AOPEP: variants seen among roughly 807,000 people sequenced by gnomAD.
AOPEP encodes aminopeptidase O.
Under a neutral mutation model 98.1 loss-of-function variants are expected in AOPEP, and 77 were observed. That is an observed-to-expected ratio of 0.78 (90% CI 0.65 to 0.95). The LOEUF (loss-of-function observed/expected upper bound fraction) is 0.95. Among genes scored for constraint, AOPEP ranks in the 40% least tolerant of loss-of-function variants. AOPEP has a pLI of 0.00. For missense variants in AOPEP, 1,024 were observed against 1,024.7 expected (o/e 1.00, Z 0.01); for synonymous variants, 346 against 365.3 (o/e 0.95, Z 0.60).
chr9:94,852,477 A>T (rs2043673975), intron 5 of AOPEP, among the ~76,000 whole-genome samples: 1 of 152,188 alleles, frequency 6.6e-6, no homozygotes, highest in South Asian at 2.1e-4. Flanking sequence ...ACAAGGAGAG[A>T]AGACAGATAC....
chr9:94,830,849 C>T (rs769569758), intron 5 of AOPEP, among the ~76,000 whole-genome samples: 3 of 152,172 alleles, frequency 2.0e-5, no homozygotes, highest in African/African-American at 7.2e-5. Flanking sequence ...CAGATGTCCT[C>T]TCTTGAGAAG....
At chr9:95,002,401 A>T (rs2061619412) in intron 11 of AOPEP, among the ~76,000 whole-genome samples, 1 of 152,220 alleles carries the variant, frequency 6.6e-6, no homozygotes, top group Non-Finnish European at 1.5e-5. Context: ...AGCTGGGGAG[A>T]GAGACGTTCA....
chr9:95,135,906 C>T, the AOPEP span, among the ~76,000 whole-genome samples: 2 of 152,144 alleles, frequency 1.3e-5, no homozygotes, highest in Non-Finnish European at 2.9e-5. Context: ...GGTTTCGGTC[C>T]CAGCGCCACT....
intron 7 of AOPEP, among the ~76,000 whole-genome samples, chr9:94,939,508 G>A (rs954687511): frequency 2.0e-5 from 3 of 152,102 alleles, no homozygotes; most frequent in African/African-American, 7.2e-5. Flanking sequence ...CTTGACCCAG[G>A]ATGGTAGGAT....
chr9:94,797,509 G>A (rs1055350686), intron 4 of AOPEP, among the ~76,000 whole-genome samples: 1 of 151,904 alleles, frequency 6.6e-6, no homozygotes, highest in African/African-American at 2.4e-5. Context: ...TATGTGCTGA[G>A]TTATCATAGA....
At chr9:95,085,935 GC>G (rs1177238020) in intron 16 of AOPEP, 3 of 1,300,884 alleles carry the variant, frequency 2.3e-6, no homozygotes, top group Non-Finnish European at 3.0e-6. Context: ...TGCAGTCCAG[GC>G]CTTCGCGTCT....
chr9:95,074,823 T>C (rs1205034891), intron 14 of AOPEP, among the ~76,000 whole-genome samples: 3 of 152,188 alleles, frequency 2.0e-5, no homozygotes, highest in South Asian at 4.1e-4. Context: ...CCGCACCTGC[T>C]CTTCCCCCTC....
At chr9:95,085,564 G>C in intron 16 of AOPEP, 1 of 473,946 alleles carries the variant, frequency 2.1e-6, no homozygotes. Flanking sequence ...TTAAGTTGGA[G>C]CCGCTGGGGC....
chr9:94,820,512 G>T (rs1852831684), intron 5 of AOPEP, among the ~76,000 whole-genome samples: 1 of 151,904 alleles, frequency 6.6e-6, no homozygotes, highest in African/African-American at 2.4e-5. Flanking sequence ...TTTTTATTTA[G>T]CTGCATAGTA....
chr9:95,081,615 T>G (rs1251013195), intron 15 of AOPEP, among the ~76,000 whole-genome samples: 2 of 152,186 alleles, frequency 1.3e-5, no homozygotes, highest in Non-Finnish European at 2.9e-5. Flanking sequence ...AGAAGAAATG[T>G]CACATTTGCA....
chr9:94,882,866 C>T (rs149257178), intron 5 of AOPEP, among the ~76,000 whole-genome samples: 11 of 152,242 alleles, frequency 7.2e-5, no homozygotes, highest in Admixed American at 2.6e-4. Context: ...AAGGTTAACC[C>T]GTTTTTCCAA....
chr9:94,763,912 G>A (rs1054350521), intron 2 of AOPEP, among the ~76,000 whole-genome samples: 3 of 152,302 alleles, frequency 2.0e-5, no homozygotes, highest in Admixed American at 6.5e-5. Context: ...AATCCATGGT[G>A]CAAAACAATT....
chr9:94,960,959 C>T (rs2058788297), intron 9 of AOPEP, among the ~76,000 whole-genome samples: 1 of 148,654 alleles, frequency 6.7e-6, no homozygotes, highest in Admixed American at 6.8e-5. Flanking sequence ...TTGCAGTGAG[C>T]CGAGATTGCG....
chr9:94,987,874 T>A (rs2060622028), intron 11 of AOPEP, among the ~76,000 whole-genome samples: 1 of 151,752 alleles, frequency 6.6e-6, no homozygotes, highest in South Asian at 2.1e-4. Flanking sequence ...TGCTAGAGAG[T>A]TCCTGCAGAT....
intron 7 of AOPEP, among the ~76,000 whole-genome samples, chr9:94,953,067 C>G (rs762310156): frequency 6.6e-6 from 1 of 152,160 alleles, no homozygotes; most frequent in Admixed American, 6.5e-5. Context: ...AAAAGACGCA[C>G]GGCAACTCTG....
intron 5 of AOPEP, among the ~76,000 whole-genome samples, chr9:94,846,867 C>T (rs79571282): frequency 0.032 from 4,909 of 152,114 alleles, 265 homozygotes; most frequent in African/African-American, 0.11. Flanking sequence ...CCAGGGATGG[C>T]GCCACTGCTC....
At chr9:94,890,998 T>C (rs143565269) in intron 5 of AOPEP, among the ~76,000 whole-genome samples, 2 of 152,362 alleles carry the variant, frequency 1.3e-5, no homozygotes, top group South Asian at 2.1e-4. Context: ...TCCTTGCTGA[T>C]TTTCTGTCAA....
chr9:95,053,894 G>A (rs1182269600), intron 13 of AOPEP, among the ~76,000 whole-genome samples: 1 of 152,046 alleles, frequency 6.6e-6, no homozygotes, highest in Non-Finnish European at 1.5e-5. Flanking sequence ...TTTGGGGGTG[G>A]GTAGGGAGCG....
At chr9:95,013,473 T>C (rs2062731973) in intron 13 of AOPEP, among the ~76,000 whole-genome samples, 1 of 151,818 alleles carries the variant, frequency 6.6e-6, no homozygotes, top group Non-Finnish European at 1.5e-5. Context: ...ATTTTCAATA[T>C]AATCTCCTCA....
Sources: gnomAD v4.1 joint callset for allele counts (sites outside exome capture counted in the v4.1 genomes callset) on GRCh38, gnomAD v4.1.1 for gene constraint, MANE v1.5 for transcripts, NCBI Gene and HGNC (gene_info 2026-07-23, HGNC 2026-07-21) for gene names.